MTURN: variants seen among roughly 807,000 people sequenced by gnomAD.
MTURN encodes maturin, neural progenitor differentiation regulator homolog, also known as maturin.
In MTURN, 7 loss-of-function variants were observed where a neutral mutation model predicts 14.9. That is an observed-to-expected ratio of 0.47 (90% confidence interval 0.27 to 0.88). The LOEUF (loss-of-function observed/expected upper bound fraction) is 0.88, where lower values mean the gene tolerates loss of function less well. Among genes scored for constraint, MTURN ranks in the 40% least tolerant of loss-of-function variants. The pLI is 0.14. For missense variants in MTURN, 151 were observed against 174.1 expected (o/e 0.87, Z 0.75); for synonymous variants, 69 against 72.5 (o/e 0.95, Z 0.25).
At chr7:30,157,224 C>T (rs1797301210) in intron 2 of MTURN, among the ~76,000 whole-genome samples, 1 of 152,100 alleles carries the variant, frequency 6.6e-6, no homozygotes, top group East Asian at 1.9e-4. Flanking sequence ...CTCCAGGCTC[C>T]CCAGTAAAAC....
rs750162047 is a variant in MTURN, at chr7:30,158,746, T to A, written c.*1198T>A. 1 of 152,158 alleles carries A rather than the reference T, an allele frequency of 6.6e-6. No individual in the cohort carries two copies. Among genetic ancestry groups the A allele is most frequent in the Non-Finnish European group, 1.5e-5 (1 of 68,018 alleles). The allele number at this position is 152,158 out of a possible 1,614,324, so 9.4% of individuals were successfully genotyped here. On this transcript the variant is annotated 3_prime_UTR_variant, in exon 3 of 3. Coordinates refer to ENST00000324453, the MANE Select transcript of MTURN (RefSeq NM_152793.3). ...TGTTATCGTTTAGCCAACAATTACT[T>A]ACTGGGGACATCCTTTGTAATGCTA... is the stretch of plus-strand genomic sequence containing the variant.
chr7:30,155,646 T>C (rs1388995918), intron 2 of MTURN, among the ~76,000 whole-genome samples: 3 of 152,178 alleles, frequency 2.0e-5, no homozygotes, highest in East Asian at 1.9e-4. Flanking sequence ...TGTGGCATGC[T>C]CAGCTCTAAG....
At chr7:30,138,239 T>G (rs1406400021) in intron 1 of MTURN, among the ~76,000 whole-genome samples, 1 of 152,094 alleles carries the variant, frequency 6.6e-6, no homozygotes, top group East Asian at 1.9e-4. Flanking sequence ...CGTCAGCCTC[T>G]CCAGTAGCTG....
At chr7:30,156,508 T>A (rs540801051) in intron 2 of MTURN, among the ~76,000 whole-genome samples, 21 of 152,030 alleles carry the variant, frequency 1.4e-4, no homozygotes, top group South Asian at 8.3e-4. Flanking sequence ...CTATTAAAAA[T>A]ATATATATAC....
At chr7:30,154,289 C>T (rs1562571136) in intron 2 of MTURN, among the ~76,000 whole-genome samples, 1 of 152,148 alleles carries the variant, frequency 6.6e-6, no homozygotes, top group Non-Finnish European at 1.5e-5. Context: ...ACTCAACACC[C>T]TCCCGCTAAT....
chr7:30,145,976 C>G lies in MTURN; in HGVS notation c.163-201C>G, dbSNP rs1213783244. 36 of 1,551,102 alleles carry G rather than the reference C, an allele frequency of 2.3e-5. No individual in the cohort carries two copies. In the East Asian group the frequency reaches 7.8e-4, roughly 34 times the overall value. On this transcript the variant is annotated intron_variant, in intron 1 of 2. Coordinates refer to ENST00000324453, the MANE Select transcript of MTURN (RefSeq NM_152793.3). ...GCAGGTGAGGTATGGACCAAAAGCT[C>G]GGGGGCTTCTATAGATTAGACATTT...
intron 2 of MTURN, 152 bp downstream of exon 2, chr7:30,146,451 G>A (rs1290247389): frequency 7.6e-6 from 8 of 1,054,718 alleles, no homozygotes; most frequent in Non-Finnish European, 1.1e-5. Flanking sequence ...GCCAGTATAG[G>A]GAGGCCGAGG....
chr7:30,138,718 A>G (rs1310824303), intron 1 of MTURN, among the ~76,000 whole-genome samples: 1 of 152,030 alleles, frequency 6.6e-6, no homozygotes, highest in African/African-American at 2.4e-5. Context: ...TGTCACCACT[A>G]TCCCCCACCT....
chr7:30,149,606 CA>C (rs1474470257), intron 2 of MTURN, among the ~76,000 whole-genome samples: 3 of 152,156 alleles, frequency 2.0e-5, no homozygotes, highest in African/African-American at 7.2e-5. Flanking sequence ...CCAAATAGAG[CA>C]CTGCTTCCCA....
At chr7:30,146,366 G>A (rs1797130325) in intron 2 of MTURN, 67 bp downstream of exon 2, 2 of 1,597,658 alleles carry the variant, frequency 1.3e-6, no homozygotes, top group African/African-American at 2.7e-5. Context: ...AATAACAGGG[G>A]CGGTGGGGAA....
chr7:30,145,985 C>T, intron 1 of MTURN, 192 bp from the exon 2 acceptor site: 4 of 1,550,378 alleles, frequency 2.6e-6, no homozygotes, highest in South Asian at 2.4e-5. Context: ...TCGGGGGCTT[C>T]TATAGATTAG....
At chr7:30,142,602 A>G (rs922717942) in intron 1 of MTURN, among the ~76,000 whole-genome samples, 8 of 152,214 alleles carry the variant, frequency 5.3e-5, no homozygotes, top group African/African-American at 1.9e-4. Flanking sequence ...CTGATTACCA[A>G]GCAGAGGTGG....
intron 2 of MTURN, among the ~76,000 whole-genome samples, chr7:30,154,868 T>C (rs1797263730): frequency 6.6e-6 from 1 of 152,134 alleles, no homozygotes; most frequent in South Asian, 2.1e-4. Context: ...TGTGCTGGTT[T>C]CATCTGAGGT....
In MTURN at chr7:30,135,179, T is replaced by C. The variant is rs1796924855; in HGVS notation, c.43T>C (p.Ser15Pro). 8 of 1,489,650 alleles carry C rather than the reference T, an allele frequency of 5.4e-6. No individual in the cohort carries two copies. The highest frequency in any genetic ancestry group is 2.9e-5 in the African/African-American group (2 of 68,638). The allele number at this position is 1,489,650 out of a possible 1,614,324, so 92.3% of individuals were successfully genotyped here. A position where few individuals can be genotyped will look rare whatever the true frequency, so the allele number is the denominator to read the frequency against. Residue 15 changes from serine (S) to proline (P), a missense_variant, in exon 1 of 3, where the codon TCC becomes CCC. Physicochemically the swap from Ser to Pro is moderately conservative, Grantham distance 74. Transcript: ENST00000324453. ...QLADVAEKWC[S>P]NTPFELIATE... is the part of the protein sequence containing the mutation. ...GGCCGACGTTGCGGAGAAATGGTGCTCCAACACGCCCTTCGAGCTCATCGC... is the reference window on the plus strand; with the variant it reads ...GGCCGACGTTGCGGAGAAATGGTGCCCCAACACGCCCTTCGAGCTCATCGC...
intron 1 of MTURN, among the ~76,000 whole-genome samples, chr7:30,144,092 C>T (rs1398467378): frequency 6.6e-6 from 1 of 152,212 alleles, no homozygotes. Context: ...CCCTTCCCCT[C>T]TGTCTCCCCC....
intron 2 of MTURN, among the ~76,000 whole-genome samples, chr7:30,155,948 C>T (rs917431600): frequency 5.3e-5 from 8 of 152,164 alleles, no homozygotes; most frequent in African/African-American, 1.9e-4. Context: ...TGTCTTGATG[C>T]AGTTAGTGTT....
intron 1 of MTURN, among the ~76,000 whole-genome samples, chr7:30,138,707 A>G (rs962579562): frequency 6.6e-6 from 1 of 152,056 alleles, no homozygotes; most frequent in African/African-American, 2.4e-5. Context: ...AAGCCAGATC[A>G]TGTCACCACT....
Position 30,135,023 on chromosome 7 carries a change from C to T in MTURN, c.-114C>T. 4.3e-6 allele frequency: 4 copies of T among 940,980 alleles called. No individual in the cohort carries two copies. In the South Asian group the frequency reaches 2.0e-4, roughly 46 times the overall value. 58.3% of individuals were successfully genotyped at this position (940,980 alleles called of 1,614,324 possible). The stretch of plus-strand genomic sequence containing the variant: ...ATGTAAACAGTCCCAGCCGGCCCAG[C>T]CCGGCCCCGGAGGAGCCCGCGCAGG... On this transcript the variant is annotated 5_prime_UTR_variant, in exon 1 of 3. Coordinates refer to ENST00000324453, the MANE Select transcript of MTURN (RefSeq NM_152793.3).
At position 30,157,563 on chromosome 7, in the gene MTURN, C is replaced by A; in HGVS notation, c.*15C>A. On this transcript the variant is annotated 3_prime_UTR_variant, in exon 3 of 3. Transcript: ENST00000324453. ...GCCAGCAGTAAATCTGGGGGCTCCC[C>A]TGAGAAGGAGAGTGAGCCCCACAGT... 2 of 1,583,392 alleles carry A rather than the reference C, an allele frequency of 1.3e-6. No homozygotes were observed. The highest frequency in any genetic ancestry group is 2.3e-5 in the South Asian group (2 of 86,730).
Sources: allele counts gnomAD v4.1 joint callset (sites outside exome capture counted in the v4.1 genomes callset), GRCh38; gene constraint gnomAD v4.1.1; transcripts MANE v1.5; gene names NCBI Gene and HGNC (gene_info 2026-07-23, HGNC 2026-07-21).